NKAIN2: variants seen among roughly 807,000 people sequenced by gnomAD.
NKAIN2 encodes sodium/potassium-transporting ATPase subunit beta-1-interacting protein 2.
In NKAIN2, 14 loss-of-function variants were observed where a neutral mutation model predicts 32.6. The ratio of observed to expected loss-of-function variants is 0.43; its 90% CI spans 0.28 to 0.67. The LOEUF (loss-of-function observed/expected upper bound fraction) is 0.67. Among genes scored for constraint, NKAIN2 ranks in the 30% least tolerant of loss-of-function variants. The pLI is 0.17. For missense variants in NKAIN2, 198 were observed against 258.3 expected (o/e 0.77, Z 1.60); for synonymous variants, 80 against 87.2 (o/e 0.92, Z 0.46).
intron 1 of NKAIN2, among the ~76,000 whole-genome samples, chr6:123,863,967 A>T (rs1335613238): frequency 1.3e-5 from 2 of 152,218 alleles, no homozygotes; most frequent in Non-Finnish European, 2.9e-5. Flanking sequence ...CTTGGTATGC[A>T]TCTTTCCTTC....
chr6:124,049,950 A>T (rs1275374184), intron 1 of NKAIN2, among the ~76,000 whole-genome samples: 2 of 152,004 alleles, frequency 1.3e-5, no homozygotes, highest in Non-Finnish European at 2.9e-5. Context: ...AAAGTTCTTG[A>T]CTTAATAAGT....
intron 1 of NKAIN2, among the ~76,000 whole-genome samples, chr6:123,935,683 A>G (rs913683229): frequency 2.0e-5 from 3 of 152,104 alleles, no homozygotes; most frequent in African/African-American, 7.2e-5. Context: ...TATATCAGTT[A>G]TCTAATGTCA....
intron 1 of NKAIN2, among the ~76,000 whole-genome samples, chr6:124,216,620 G>C (rs1337151670): frequency 1.3e-5 from 2 of 152,180 alleles, no homozygotes; most frequent in African/African-American, 4.8e-5. Context: ...CAAATGTAGT[G>C]TGTAGTTTCT....
intron 1 of NKAIN2, among the ~76,000 whole-genome samples, chr6:124,272,815 G>A (rs534675695): frequency 2.7e-4 from 41 of 152,270 alleles, no homozygotes; most frequent in East Asian, 2.1e-3. Context: ...CCCACCCCTC[G>A]CCCTGGATGT....
chr6:124,521,312 C>A (rs1379723429), intron 3 of NKAIN2, among the ~76,000 whole-genome samples: 2 of 152,072 alleles, frequency 1.3e-5, no homozygotes, highest in East Asian at 3.9e-4. Context: ...AAAGAAGTTT[C>A]TTTTTTATTC....
At chr6:124,469,702 A>T (rs1484544915) in intron 3 of NKAIN2, among the ~76,000 whole-genome samples, 2 of 152,162 alleles carry the variant, frequency 1.3e-5, no homozygotes, top group African/African-American at 4.8e-5. Context: ...CCTCTTATAG[A>T]TCTCATATAT....
chr6:124,748,555 G>T lies in NKAIN2; in HGVS notation c.475-42784G>T, dbSNP rs2114705194. Among the ~76,000 whole-genome samples the T allele has an allele frequency of 2.0e-5, 3 of 152,046 alleles. No homozygotes were observed. The South Asian group carries it at 6.2e-4, about 31-fold the overall frequency. On this transcript the variant is annotated intron_variant, in intron 4 of 6. Transcript: ENST00000368417. ...GTCTTCCCACAAAGGTGATAACAAAGATTTTTTTTACAGTTTAAGAGTATC... is the reference window on the plus strand; with the variant it reads ...GTCTTCCCACAAAGGTGATAACAAATATTTTTTTTACAGTTTAAGAGTATC...
At chr6:124,553,329 C>T (rs1055592062) in intron 3 of NKAIN2, among the ~76,000 whole-genome samples, 3 of 152,144 alleles carry the variant, frequency 2.0e-5, no homozygotes, top group African/African-American at 7.2e-5. Flanking sequence ...GTTTTTGAGA[C>T]AGAGTTTCGC....
chr6:124,402,728 A>G (rs1773679189), intron 3 of NKAIN2, among the ~76,000 whole-genome samples: 1 of 152,172 alleles, frequency 6.6e-6, no homozygotes, highest in Non-Finnish European at 1.5e-5. Context: ...GCATGTTCTC[A>G]CTTATAAGTG....
intron 3 of NKAIN2, among the ~76,000 whole-genome samples, chr6:124,574,891 A>C (rs1489228045): frequency 6.6e-6 from 1 of 152,224 alleles, no homozygotes; most frequent in East Asian, 1.9e-4. Context: ...ATCGTAAAAC[A>C]TGTAAGATGT....
intron 3 of NKAIN2, among the ~76,000 whole-genome samples, chr6:124,637,650 A>G (rs2114338935): frequency 6.6e-6 from 1 of 152,224 alleles, no homozygotes; most frequent in East Asian, 1.9e-4. Context: ...AGAAATTATG[A>G]ACACAATCCA....
intron 3 of NKAIN2, among the ~76,000 whole-genome samples, chr6:124,383,458 C>A (rs771522024): frequency 6.6e-6 from 1 of 152,136 alleles, no homozygotes; most frequent in Non-Finnish European, 1.5e-5. Context: ...AGGCCTGGCA[C>A]AATTGACCTC....
chr6:124,822,959 C>A (rs1051009189), intron 6 of NKAIN2, among the ~76,000 whole-genome samples: 1 of 152,132 alleles, frequency 6.6e-6, no homozygotes, highest in Non-Finnish European at 1.5e-5. Flanking sequence ...TTCTTTTTGG[C>A]AGCCTAATTG....
intron 4 of NKAIN2, among the ~76,000 whole-genome samples, chr6:124,715,815 T>C (rs377236240): frequency 6.6e-6 from 1 of 152,268 alleles, no homozygotes; most frequent in Admixed American, 6.5e-5. Context: ...AAAGGGAAAA[T>C]ATAACATCTA....
intron 4 of NKAIN2, among the ~76,000 whole-genome samples, chr6:124,777,067 T>A (rs1369392444): frequency 6.6e-6 from 1 of 152,200 alleles, no homozygotes; most frequent in Non-Finnish European, 1.5e-5. Flanking sequence ...TAATATATGC[T>A]CATGTGATCA....
intron 1 of NKAIN2, among the ~76,000 whole-genome samples, chr6:124,279,426 G>T (rs1469196459): frequency 6.7e-6 from 1 of 148,598 alleles, no homozygotes; most frequent in Non-Finnish European, 1.5e-5. Context: ...AGAATGGCGT[G>T]AACCTGGGAG....
At chr6:124,375,408 ATATATG>A (rs1485726857) in intron 3 of NKAIN2, among the ~76,000 whole-genome samples, 3 of 147,816 alleles carry the variant, frequency 2.0e-5, no homozygotes, top group African/African-American at 7.4e-5. Flanking sequence ...TAAATTATAT[ATATATG>A]TATATAAATT....
chr6:124,111,122 T>C (rs981735041), intron 1 of NKAIN2, among the ~76,000 whole-genome samples: 2 of 152,138 alleles, frequency 1.3e-5, no homozygotes, highest in African/African-American at 4.8e-5. Context: ...TAGTCTCTTA[T>C]GTGATCTAAC....
chr6:123,856,229 T>A (rs2114968274), intron 1 of NKAIN2, among the ~76,000 whole-genome samples: 1 of 152,342 alleles, frequency 6.6e-6, no homozygotes, highest in South Asian at 2.1e-4. Flanking sequence ...GTCTCATAAC[T>A]TTCCTGACAG....
Sources: gnomAD v4.1 joint callset for allele counts (sites outside exome capture counted in the v4.1 genomes callset) on GRCh38, gnomAD v4.1.1 for gene constraint, MANE v1.5 for transcripts, NCBI Gene and HGNC (gene_info 2026-07-23, HGNC 2026-07-21) for gene names.